HMGA2: variants seen among roughly 807,000 people sequenced by gnomAD.
The protein encoded by HMGA2 is high mobility group protein HMGI-C.
HMGA2 carries 8 observed loss-of-function variants against 19.1 expected under a neutral mutation model. That is an observed-to-expected ratio of 0.42 (90% confidence interval 0.25 to 0.76). The LOEUF (loss-of-function observed/expected upper bound fraction) is 0.76. Among genes scored for constraint, HMGA2 ranks in the 30% least tolerant of loss-of-function variants. The pLI, the probability that HMGA2 is intolerant of heterozygous loss-of-function variation, is 0.28. For missense variants in HMGA2, 109 were observed against 136.3 expected, an observed-to-expected ratio of 0.80 and a Z score of 1.00; for synonymous variants, 60 against 48.8, an observed-to-expected ratio of 1.23 and a Z score of -0.96.
chr12:65,874,748 G>A (rs1872892451), intron 3 of HMGA2, among the ~76,000 whole-genome samples: 1 of 152,162 alleles, frequency 6.6e-6, no homozygotes, highest in African/African-American at 2.4e-5. Flanking sequence ...TTTTCTGTAT[G>A]TATACATACA....
At chr12:65,920,982 T>C (rs995038759) in intron 3 of HMGA2, among the ~76,000 whole-genome samples, 2 of 152,316 alleles carry the variant, frequency 1.3e-5, no homozygotes, top group South Asian at 4.1e-4. Flanking sequence ...CCTAGAGACT[T>C]GTTGAATAGC....
At chr12:65,838,945 A>G (rs1333977567) in intron 3 of HMGA2, among the ~76,000 whole-genome samples, 1 of 143,266 alleles carries the variant, frequency 7.0e-6, no homozygotes, top group Non-Finnish European at 1.5e-5. Flanking sequence ...CACAATGTGT[A>G]TGTGATAACT....
intron 3 of HMGA2, among the ~76,000 whole-genome samples, chr12:65,929,350 G>A (rs1380288674): frequency 1.3e-5 from 2 of 151,566 alleles, no homozygotes; most frequent in Non-Finnish European, 2.9e-5. Context: ...TTTCCTCTTT[G>A]AAGATAAAAG....
chr12:65,907,133 A>T (rs1874627615), intron 3 of HMGA2, among the ~76,000 whole-genome samples: 1 of 152,124 alleles, frequency 6.6e-6, no homozygotes, highest in South Asian at 2.1e-4. Context: ...GCGGTGGCTC[A>T]CACCTGTAAT....
intron 3 of HMGA2, among the ~76,000 whole-genome samples, chr12:65,849,650 G>T (rs1422508775): frequency 2.0e-5 from 3 of 150,872 alleles, no homozygotes; most frequent in African/African-American, 7.3e-5. Flanking sequence ...AGAGCTTAAT[G>T]ACATTGTTTG....
intron 3 of HMGA2, among the ~76,000 whole-genome samples, chr12:65,937,480 G>A (rs565939777): frequency 7.2e-5 from 11 of 152,256 alleles, no homozygotes; most frequent in East Asian, 5.8e-4. Context: ...ACATTTAGTC[G>A]GCTTCCAGAA....
chr12:65,911,688 C>T (rs1367351544), intron 3 of HMGA2, among the ~76,000 whole-genome samples: 3 of 152,128 alleles, frequency 2.0e-5, no homozygotes, highest in African/African-American at 4.8e-5. Context: ...CAATACCAAA[C>T]GGAATTACAT....
chr12:65,871,723 C>T (rs1872720575), intron 3 of HMGA2, among the ~76,000 whole-genome samples: 1 of 152,182 alleles, frequency 6.6e-6, no homozygotes, highest in Admixed American at 6.5e-5. Flanking sequence ...CACACTCAGG[C>T]TGTCAGATGC....
intron 3 of HMGA2, among the ~76,000 whole-genome samples, chr12:65,949,474 G>C (rs1353964390): frequency 1.3e-5 from 2 of 152,132 alleles, no homozygotes; most frequent in Admixed American, 1.3e-4. Context: ...CCACATCAGA[G>C]TACCTCAGGT....
At chr12:65,841,789 T>C (rs1233718681) in intron 3 of HMGA2, among the ~76,000 whole-genome samples, 1 of 152,208 alleles carries the variant, frequency 6.6e-6, no homozygotes, top group East Asian at 1.9e-4. Flanking sequence ...TATAGATTCA[T>C]GTAAGAGGCC....
At chr12:65,937,576 G>T (rs1875940202) in intron 3 of HMGA2, among the ~76,000 whole-genome samples, 1 of 152,170 alleles carries the variant, frequency 6.6e-6, no homozygotes. Context: ...CTGGTCTTTA[G>T]GCAGTATGGC....
At position 65,824,726 on chromosome 12, in the gene HMGA2, T is replaced by TCTCC. The variant is rs1870037231; in HGVS notation, c.-542_-541insCCTC. ...AATCTCAATCTCTTCTCTCTCTCTC[T>TCTCC]CTCTCTCTCTCTCTCTCTCTCTCTC... is the stretch of plus-strand genomic sequence containing the variant. On this transcript the variant is annotated 5_prime_UTR_variant, in exon 1 of 5. Coordinates refer to ENST00000403681, the MANE Select transcript of HMGA2 (RefSeq NM_003483.6). 1 of 156,714 alleles carries TCTCC rather than the reference T, an allele frequency of 6.4e-6. No individual in the cohort carries two copies. Among genetic ancestry groups the TCTCC allele is most frequent in the Admixed American group, 8.8e-5 (1 of 11,330 alleles). The allele number at this position is 156,714 out of a possible 1,614,324, so 9.7% of individuals were successfully genotyped here. A position where few individuals can be genotyped will look rare whatever the true frequency, so the allele number is the denominator to read the frequency against.
chr12:65,865,638 T>C (rs1036036922), intron 3 of HMGA2, among the ~76,000 whole-genome samples: 172 of 146,694 alleles, frequency 1.2e-3, no homozygotes, highest in Non-Finnish European at 2.1e-3. Flanking sequence ...TTTTTCTTTT[T>C]TTTTTTTTTT....
At chr12:65,882,808 A>G (rs1304136415) in intron 3 of HMGA2, among the ~76,000 whole-genome samples, 2 of 152,234 alleles carry the variant, frequency 1.3e-5, no homozygotes, top group Non-Finnish European at 2.9e-5. Flanking sequence ...AGCAGAAACG[A>G]TAGGGAGTTG....
intron 3 of HMGA2, among the ~76,000 whole-genome samples, chr12:65,889,669 T>C (rs1354822897): frequency 6.6e-6 from 1 of 152,206 alleles, no homozygotes; most frequent in Non-Finnish European, 1.5e-5. Flanking sequence ...AAGTGGTTTA[T>C]GTCATGGGAA....
In HMGA2 at chr12:65,824,731, C is replaced by CTCTCTCTG. The variant is rs1555179150; in HGVS notation, c.-533_-532insGTCTCTCT. 1.1e-4 allele frequency: 23 copies of CTCTCTCTG among 202,986 alleles called. No individual in the cohort carries two copies. The highest frequency in any genetic ancestry group is 6.7e-4 in the African/African-American group (23 of 34,184). 12.6% of individuals were successfully genotyped at this position (202,986 alleles called of 1,614,324 possible). A position where few individuals can be genotyped will look rare whatever the true frequency, so the allele number is the denominator to read the frequency against. ...CAATCTCTTCTCTCTCTCTCTCTCT[C>CTCTCTCTG]TCTCTCTCTCTCTCTCTCTCTCTCT... On this transcript the variant is annotated 5_prime_UTR_variant, in exon 1 of 5. Coordinates refer to ENST00000403681, the MANE Select transcript of HMGA2 (RefSeq NM_003483.6).
At chr12:65,958,842 C>T (rs1019622641) in intron 4 of HMGA2, 2 of 150,942 alleles carry the variant, frequency 1.3e-5, no homozygotes, top group Admixed American at 1.3e-4. Context: ...TTGCAGAATT[C>T]TTTGCAGTTA....
intron 4 of HMGA2, among the ~76,000 whole-genome samples, chr12:65,960,401 C>T (rs1410295176): frequency 6.6e-6 from 1 of 152,180 alleles, no homozygotes; most frequent in African/African-American, 2.4e-5. Context: ...GGTTTTCCAA[C>T]CTCATTCCTG....
At chr12:65,888,842 T>C (rs1021514436) in intron 3 of HMGA2, among the ~76,000 whole-genome samples, 1 of 148,960 alleles carries the variant, frequency 6.7e-6, no homozygotes, top group Non-Finnish European at 1.5e-5. Flanking sequence ...GGATTACAGG[T>C]GTGAGCCACG....
Sources: allele counts gnomAD v4.1 joint callset (sites outside exome capture counted in the v4.1 genomes callset), GRCh38; gene constraint gnomAD v4.1.1; transcripts MANE v1.5; gene names NCBI Gene and HGNC (gene_info 2026-07-23, HGNC 2026-07-21).